Variants in PTPN13 observed in about 807,000 individuals in gnomAD.
PTPN13 encodes protein tyrosine phosphatase non-receptor type 13.
Under a neutral mutation model 284.0 loss-of-function variants are expected in PTPN13, and 191 were observed. That is an observed-to-expected ratio of 0.67 (90% CI 0.60 to 0.76). The LOEUF (loss-of-function observed/expected upper bound fraction) is 0.76. PTPN13 is among the 30% of genes least tolerant of loss of function. PTPN13 has a pLI of 0.00. For missense variants in PTPN13, 2,797 were observed against 2,939.9 expected (o/e 0.95, Z 1.12); for synonymous variants, 986 against 1,022.3 (o/e 0.96, Z 0.68).
At chr4:86,768,917 C>G (rs1394734456) in intron 28 of PTPN13, among the ~76,000 whole-genome samples, 3 of 151,908 alleles carry the variant, frequency 2.0e-5, no homozygotes, top group Non-Finnish European at 2.9e-5. Flanking sequence ...ACCATGTTGG[C>G]CAAACTGGTC....
At chr4:86,741,865 A>G in intron 16 of PTPN13, 49 bp downstream of exon 16, 1 of 1,466,820 alleles carries the variant, frequency 6.8e-7, no homozygotes, top group Non-Finnish European at 9.2e-7. Flanking sequence ...GATATTACCA[A>G]CTTCCAATGT....
intron 44 of PTPN13, among the ~76,000 whole-genome samples, chr4:86,806,170 GA>G (rs926459103): frequency 6.3e-5 from 9 of 142,294 alleles, no homozygotes; most frequent in South Asian, 4.6e-4. Context: ...AAAAAAATAG[GA>G]AAAAAAAAAG....
At chr4:86,684,618 GTGT>G (rs1393861393) in intron 3 of PTPN13, among the ~76,000 whole-genome samples, 1 of 152,134 alleles carries the variant, frequency 6.6e-6, no homozygotes, top group African/African-American at 2.4e-5. Context: ...ATATATTAAA[GTGT>G]TGTGAGACTG....
At chr4:86,775,762 A>G in intron 35 of PTPN13, 110 bp downstream of exon 35, 1 of 894,426 alleles carries the variant, frequency 1.1e-6, no homozygotes, top group South Asian at 1.8e-5. Flanking sequence ...TTCATAGACT[A>G]AATTGGCAGG....
At chr4:86,655,880 A>G (rs889561159) in intron 2 of PTPN13, among the ~76,000 whole-genome samples, 3 of 152,150 alleles carry the variant, frequency 2.0e-5, no homozygotes, top group African/African-American at 7.2e-5. Flanking sequence ...CAGGTACACC[A>G]ATCAGACGTA....
At chr4:86,667,158 A>G (rs1727180358) in intron 2 of PTPN13, among the ~76,000 whole-genome samples, 1 of 152,168 alleles carries the variant, frequency 6.6e-6, no homozygotes, top group Non-Finnish European at 1.5e-5. Flanking sequence ...GAGTTTAGGG[A>G]TTTGGATGAT....
chr4:86,811,202 C>G, intron 47 of PTPN13, 94 bp downstream of exon 47: 1 of 1,227,280 alleles, frequency 8.1e-7, no homozygotes, highest in Non-Finnish European at 1.1e-6. Context: ...TTTGAGAGTT[C>G]CCATGTTAGA....
chr4:86,736,790 G>A (rs1391232758), intron 15 of PTPN13, among the ~76,000 whole-genome samples: 1 of 152,168 alleles, frequency 6.6e-6, no homozygotes, highest in African/African-American at 2.4e-5. Context: ...TGAACAATGT[G>A]TTTAACTTCT....
chr4:86,760,910 C>A (rs1342575996), intron 23 of PTPN13, among the ~76,000 whole-genome samples: 1 of 151,648 alleles, frequency 6.6e-6, no homozygotes, highest in Non-Finnish European at 1.5e-5. Context: ...ATTCTAGCTA[C>A]CCCTGTTAAT....
chr4:86,680,872 C>T (rs901858322), intron 3 of PTPN13, among the ~76,000 whole-genome samples: 1 of 152,160 alleles, frequency 6.6e-6, no homozygotes. Flanking sequence ...GTTTCCACAT[C>T]CTGTGTACCA....
Position 86,734,319 on chromosome 4 carries a change from T to G in PTPN13, c.1875T>G (p.Phe625Leu), listed in dbSNP as rs1443912782. 2 of 1,516,184 alleles carry G rather than the reference T, an allele frequency of 1.3e-6. No homozygotes were observed. The highest frequency in any genetic ancestry group is 2.5e-5 in the South Asian group (2 of 78,470). The allele number at this position is 1,516,184 out of a possible 1,614,324, so 93.9% of individuals were successfully genotyped here. A position where few individuals can be genotyped will look rare whatever the true frequency, so the allele number is the denominator to read the frequency against. ...LATLKDNEYF[F>L]VDPDLKLTKV... The stretch of plus-strand genomic sequence containing the variant: ...TCTGTTTAGATAATGAATATTTCTT[T>G]GTTGATCCTGACTTAAAATTAACCA... Residue 625 changes from phenylalanine to leucine, a missense_variant, in exon 13 of 48, where the codon TTT becomes TTG. Phe to Leu is a conservative substitution (Grantham distance 22, BLOSUM62 0). Coordinates refer to ENST00000411767, the MANE Select transcript of PTPN13 (RefSeq NM_080683.3).
intron 2 of PTPN13, among the ~76,000 whole-genome samples, chr4:86,645,283 A>G (rs887681425): frequency 7.9e-5 from 12 of 152,204 alleles, no homozygotes; most frequent in African/African-American, 2.9e-4. Flanking sequence ...CATCATACTT[A>G]CTGGTAAAAC....
intron 10 of PTPN13, among the ~76,000 whole-genome samples, chr4:86,728,075 C>T (rs551882878): frequency 3.3e-5 from 5 of 149,710 alleles, no homozygotes; most frequent in African/African-American, 1.2e-4. Context: ...GTTATATACC[C>T]AGTAGTCATT....
At chr4:86,683,652 CACAT>C (rs1729138985) in intron 3 of PTPN13, among the ~76,000 whole-genome samples, 2 of 152,148 alleles carry the variant, frequency 1.3e-5, no homozygotes, top group African/African-American at 4.8e-5. Context: ...ATCAAGTTGA[CACAT>C]ACAACTAACT....
In PTPN13 at chr4:86,701,608, A is replaced by C. The variant is rs186085238; in HGVS notation, c.1002A>C (p.Ser334=). The change falls in exon 7 of 48, where the codon TCA becomes TCC. Residue 334 remains serine, a synonymous_variant. Transcript: ENST00000411767. ...CHPEAVTVRT[S]TTPRKKEARY... is the part of the protein sequence containing the mutation. The stretch of plus-strand genomic sequence containing the variant: ...CTGAGGCAGTAACAGTGCGGACTTC[A>C]ACTACTCCTAGAAAAAAGGAGGCAA... 1.4e-3 allele frequency: 2,296 copies of C among 1,613,964 alleles called. 3 individuals carry two copies. The highest frequency in any genetic ancestry group is 1.8e-3 in the Non-Finnish European group (2,105 of 1,179,852).
rs1384088409 is a variant in PTPN13, at chr4:86,771,034, A to G, written c.4804-137A>G. 1.6e-5 allele frequency: 14 copies of G among 853,458 alleles called. No homozygotes were observed. The East Asian group carries it at 3.5e-4, about 21-fold the overall frequency. The allele number at this position is 853,458 out of a possible 1,614,324, so 52.9% of individuals were successfully genotyped here. ...TGTTATTTTATATATTATTTTCTCT[A>G]TTGAACATAAATTACTTTTATCATC... is the stretch of plus-strand genomic sequence containing the variant. On this transcript the variant is annotated intron_variant, in intron 30 of 47. Coordinates refer to ENST00000411767, the MANE Select transcript of PTPN13 (RefSeq NM_080683.3).
At chr4:86,766,920 G>C (rs1739391371) in intron 27 of PTPN13, among the ~76,000 whole-genome samples, 1 of 152,030 alleles carries the variant, frequency 6.6e-6, no homozygotes, top group African/African-American at 2.4e-5. Context: ...GGTCTTTGGA[G>C]GTTTTTGTTG....
Position 86,784,558 on chromosome 4 carries a change from G to C in PTPN13, c.6118G>C (p.Glu2040Gln). ...ATCACCAAACTTGACTCTGCCCAAA[G>C]GTAGTTTTCCAAATCAGTCATCTAA... ...KGSPNLTLPK[E>Q]SYIQEDDIYD... Residue 2040 changes from glutamate to glutamine, a missense_variant and splice_region_variant, in exon 38 of 48, where the codon GAA (glutamate) becomes CAA (glutamine). By Grantham distance (29) the Glu-to-Gln change is conservative (BLOSUM62 2). Transcript: ENST00000411767. The C allele has an allele frequency of 1.3e-6, 2 of 1,596,082 alleles. No homozygotes were observed. The highest frequency in any genetic ancestry group is 2.3e-5 in the South Asian group (2 of 88,256).
intron 9 of PTPN13, among the ~76,000 whole-genome samples, chr4:86,720,026 G>GT (rs1733482945): frequency 6.6e-6 from 1 of 152,084 alleles, no homozygotes. Context: ...GGGAGAATGT[G>GT]TTTTAGAAGT....
Sources: allele counts gnomAD v4.1 joint callset (sites outside exome capture counted in the v4.1 genomes callset), GRCh38; gene constraint gnomAD v4.1.1; transcripts MANE v1.5; gene names NCBI Gene and HGNC (gene_info 2026-07-23, HGNC 2026-07-21).